GSE1: variants seen among roughly 807,000 people sequenced by gnomAD.
GSE1 encodes the protein Gse1 coiled-coil protein, also known as genetic suppressor element 1.
Under a neutral mutation model 112.6 loss-of-function variants are expected in GSE1, and 32 were observed. That is an observed-to-expected ratio of 0.28 (90% CI 0.21 to 0.38). GSE1 has a LOEUF of 0.38. Ranked by LOEUF, GSE1 falls within the 10% of genes least tolerant of loss-of-function variation. The pLI is 1.00. For synonymous variants in GSE1, 1,115 were observed against 735.6 expected (o/e 1.52, Z -8.35); for missense variants, 2,348 against 1,699.2 (o/e 1.38, Z -6.71).
intron 1 of GSE1, among the ~76,000 whole-genome samples, chr16:85,577,399 C>T (rs2046271982): frequency 6.6e-6 from 1 of 152,174 alleles, no homozygotes; most frequent in Non-Finnish European, 1.5e-5. Context: ...TGCTTCAGGG[C>T]CAGCCAGGGC....
chr16:85,539,406 G>A (rs2044443286), intron 2 of GSE1, among the ~76,000 whole-genome samples: 1 of 152,242 alleles, frequency 6.6e-6, no homozygotes, highest in South Asian at 2.1e-4. Flanking sequence ...GCAATTGAGT[G>A]CTTTAGCAGG....
chr16:85,638,864 T>TC (rs1036031751), intron 2 of GSE1, among the ~76,000 whole-genome samples: 17 of 152,030 alleles, frequency 1.1e-4, no homozygotes, highest in South Asian at 4.2e-4. Context: ...CGCCATGGCT[T>TC]CCCCCCGTCA....
At chr16:85,433,588 CTGGATGGATGGATGGATGGA>C (rs57012969) in intron 2 of GSE1, among the ~76,000 whole-genome samples, 33,065 of 150,050 alleles carry the variant, frequency 0.22, 4,085 homozygotes, top group African/African-American at 0.33. Flanking sequence ...GAGAAGGATC[CTGGATGGATGGATGGATGGA>C]TGGATGGATG....
At chr16:85,441,366 G>A (rs557389255) in intron 2 of GSE1, among the ~76,000 whole-genome samples, 246 of 152,292 alleles carry the variant, frequency 1.6e-3, no homozygotes, top group African/African-American at 5.7e-3. Context: ...CACAAAACAG[G>A]GGACGTGGTC....
At chr16:85,342,199 T>A (rs2046638173) in intron 1 of GSE1, among the ~76,000 whole-genome samples, 1 of 152,210 alleles carries the variant, frequency 6.6e-6, no homozygotes, top group Admixed American at 6.5e-5. Context: ...ACAGAAACCC[T>A]GCCCTGGCGT....
intron 1 of GSE1, among the ~76,000 whole-genome samples, chr16:85,183,791 G>A (rs554258552): frequency 4.6e-5 from 7 of 152,174 alleles, no homozygotes; most frequent in African/African-American, 7.2e-5. Context: ...GTGGAGACAC[G>A]TGCCAAGGTC....
chr16:85,588,642 GT>G (rs2046820776), intron 1 of GSE1, among the ~76,000 whole-genome samples: 1 of 152,238 alleles, frequency 6.6e-6, no homozygotes, highest in African/African-American at 2.4e-5. Context: ...GGGACAAGAA[GT>G]ATTATCAGGA....
At chr16:85,638,990 T>A in intron 2 of GSE1, among the ~76,000 whole-genome samples, 1 of 151,914 alleles carries the variant, frequency 6.6e-6, no homozygotes. Context: ...GGGCTTGGAG[T>A]GCCCGGGCCC....
chr16:85,534,704 G>A (rs62048398), intron 2 of GSE1, among the ~76,000 whole-genome samples: 9,548 of 152,286 alleles, frequency 0.063, 390 homozygotes, highest in Middle Eastern at 0.15. Context: ...TGTCTGTTGG[G>A]GCCCTCCCGT....
At chr16:85,257,423 T>A (rs1277682732) in intron 1 of GSE1, among the ~76,000 whole-genome samples, 1 of 152,206 alleles carries the variant, frequency 6.6e-6, no homozygotes, top group Non-Finnish European at 1.5e-5. Flanking sequence ...GTTCTGCATT[T>A]TCTACCATAT....
chr16:85,509,155 G>A (rs1352501183), intron 2 of GSE1, among the ~76,000 whole-genome samples: 6 of 152,250 alleles, frequency 3.9e-5, no homozygotes, highest in African/African-American at 1.4e-4. Flanking sequence ...GGGTTATCGT[G>A]TGACGGAGAA....
At chr16:85,590,115 A>G (rs997400124) in intron 1 of GSE1, among the ~76,000 whole-genome samples, 4 of 152,114 alleles carry the variant, frequency 2.6e-5, no homozygotes, top group African/African-American at 7.2e-5. Context: ...CATTTGTGCA[A>G]TTGAACGTGT....
intron 2 of GSE1, among the ~76,000 whole-genome samples, chr16:85,449,733 G>A (rs1044382133): frequency 2.6e-5 from 4 of 152,216 alleles, no homozygotes; most frequent in African/African-American, 4.8e-5. Context: ...CATGCCTGGG[G>A]TTTGGATCGC....
At chr16:85,464,475 C>T (rs914749527) in intron 2 of GSE1, among the ~76,000 whole-genome samples, 7 of 152,262 alleles carry the variant, frequency 4.6e-5, no homozygotes, top group Non-Finnish European at 1.0e-4. Flanking sequence ...CGCCCTTCCT[C>T]CGGGTGCCCG....
At chr16:85,653,736 G>A (rs576116479) in intron 3 of GSE1, among the ~76,000 whole-genome samples, 35 of 152,280 alleles carry the variant, frequency 2.3e-4, no homozygotes, top group African/African-American at 6.7e-4. Flanking sequence ...CAGCACCTTC[G>A]GCCCAGGGGC....
At chr16:85,518,818 T>C (rs940923616) in intron 2 of GSE1, among the ~76,000 whole-genome samples, 2 of 152,120 alleles carry the variant, frequency 1.3e-5, no homozygotes, top group Non-Finnish European at 2.9e-5. Context: ...GACTGACACC[T>C]GGCACTGTGA....
At chr16:85,324,466 C>T (rs141745514) in intron 1 of GSE1, among the ~76,000 whole-genome samples, 2,455 of 149,542 alleles carry the variant, frequency 0.016, 69 homozygotes, top group African/African-American at 0.056. Context: ...GTTGAGATCA[C>T]GCCACTGCAC....
intron 2 of GSE1, among the ~76,000 whole-genome samples, chr16:85,499,871 C>T (rs545400337): frequency 6.6e-5 from 10 of 152,130 alleles, no homozygotes; most frequent in Non-Finnish European, 1.3e-4. Flanking sequence ...CCAAGCATCA[C>T]GTACATGGGA....
At chr16:85,613,581 C>T (rs1401281151) in intron 1 of GSE1, among the ~76,000 whole-genome samples, 183 bp downstream of exon 1, 1 of 151,496 alleles carries the variant, frequency 6.6e-6, no homozygotes, top group African/African-American at 2.4e-5. Flanking sequence ...CCCCTTCCTC[C>T]GCCCGCGGGT....
Sources: gnomAD v4.1 joint callset for allele counts (sites outside exome capture counted in the v4.1 genomes callset) on GRCh38, gnomAD v4.1.1 for gene constraint, MANE v1.5 for transcripts, NCBI Gene and HGNC (gene_info 2026-07-23, HGNC 2026-07-21) for gene names.